The following PAK4 variants were observed in gnomAD, a reference collection of about 807,000 sequenced individuals.
PAK4 encodes p21 (RAC1) activated kinase 4, also known as serine/threonine-protein kinase PAK 4.
Under a neutral mutation model 53.5 loss-of-function variants are expected in PAK4, and 49 were observed. The observed-to-expected ratio is 0.92, with a 90% CI of 0.73 to 1.16. PAK4 has a LOEUF of 1.16. Among genes scored for constraint, PAK4 ranks in the 50% most tolerant of loss-of-function variants. The pLI is 0.00. For missense variants in PAK4, 824 were observed against 850.7 expected, an observed-to-expected ratio of 0.97 and a Z score of 0.39; for synonymous variants, 376 against 375.6, an observed-to-expected ratio of 1.00 and a Z score of -0.01.
intron 1 of PAK4, among the ~76,000 whole-genome samples, chr19:39,158,724 C>T (rs1256327346): frequency 6.6e-6 from 1 of 152,160 alleles, no homozygotes; most frequent in Non-Finnish European, 1.5e-5. Flanking sequence ...GAGCCACACT[C>T]TCTGCGCTGG....
Position 39,175,388 on chromosome 19 carries a change from A to G in PAK4, c.1309A>G (p.Ile437Val), listed in dbSNP as rs756000073. The G allele has an allele frequency of 6.2e-7, 1 of 1,611,520 alleles. No homozygotes were observed. Among genetic ancestry groups the G allele is most frequent in the East Asian group, 2.2e-5 (1 of 44,796 alleles). ...GTCGGTGCTCCACGCCCAGGGCGTCATCCACCGGGACATCAAGAGCGACTC... is the reference window on the plus strand; with the variant it reads ...GTCGGTGCTCCACGCCCAGGGCGTCGTCCACCGGGACATCAAGAGCGACTC... The change falls in exon 6 of 9, where the codon ATC (isoleucine) becomes GTC (valine). Residue 437 changes from isoleucine to valine, a missense_variant. This residue lies in a region of PAK4 where 346 missense variants were observed against 415.0 expected (regional missense o/e 0.83). Coordinates refer to ENST00000358301, the Ensembl canonical transcript of PAK4. This position sits in a 1 kb window ranked among gnomAD's most constrained non-coding sequence, Gnocchi z 4.7.
chr19:39,160,925 C>G (rs1253509436), intron 1 of PAK4, among the ~76,000 whole-genome samples: 2 of 152,214 alleles, frequency 1.3e-5, no homozygotes, highest in Non-Finnish European at 2.9e-5. Flanking sequence ...GCCGGGACCA[C>G]TGGGGAACAG....
intron 4 of PAK4, 75 bp from the exon 6 acceptor site, chr19:39,174,856 G>A: frequency 6.4e-7 from 1 of 1,560,602 alleles, no homozygotes; most frequent in Non-Finnish European, 8.8e-7. Context: ...GGGGGAGCCA[G>A]GGGGGTGGCG....
intron 1 of PAK4, among the ~76,000 whole-genome samples, chr19:39,150,205 C>T (rs1379273933): frequency 6.6e-6 from 1 of 152,000 alleles, no homozygotes; most frequent in Non-Finnish European, 1.5e-5. Context: ...TGTCCCACCC[C>T]ATCTGGGTTA....
intron 1 of PAK4, among the ~76,000 whole-genome samples, chr19:39,144,868 GC>G (rs1483213469): frequency 3.3e-5 from 5 of 152,148 alleles, no homozygotes; most frequent in African/African-American, 4.8e-5. Context: ...TACAGAGAAA[GC>G]TTTCAGTTGT....
rs190328742 is a variant in PAK4, at chr19:39,151,530, C to T, written c.-22-18002C>T. ...GACAGCTGCACACAGTGAGTGTTGC[C>T]GCACCATTTATAAGAGCAAAAGACA... On this transcript the variant is annotated intron_variant, in intron 1 of 8. Coordinates refer to ENST00000358301, the Ensembl canonical transcript of PAK4. Among the ~76,000 whole-genome samples the T allele has an allele frequency of 1.4e-4, 22 of 152,296 alleles. No homozygotes were observed. In the East Asian group the frequency reaches 2.7e-3, roughly 19 times the overall value.
At chr19:39,176,651 C>T (rs776546703) in exon 7 of PAK4, 7 of 1,613,644 alleles carry the variant, frequency 4.3e-6, no homozygotes, top group Middle Eastern at 1.6e-4. Flanking sequence ...CGAAGGAAGT[C>T]GCTGGTCGGC....
intron 1 of PAK4, among the ~76,000 whole-genome samples, chr19:39,138,724 G>C (rs2073862071): frequency 2.0e-5 from 3 of 152,216 alleles, no homozygotes; most frequent in Admixed American, 1.3e-4. Flanking sequence ...AGGGCGGGCA[G>C]GGTGCCCAGA....
chr19:39,129,148 A>G (rs1299125503), intron 1 of PAK4, among the ~76,000 whole-genome samples: 4 of 152,044 alleles, frequency 2.6e-5, no homozygotes, highest in East Asian at 1.9e-4. Flanking sequence ...GGCTCAAGCT[A>G]TCCTCCCACC....
chr19:39,173,256 C>A lies in PAK4; in HGVS notation c.543C>A (p.Ser181=). Residue 181 remains serine (S), a synonymous_variant, in exon 3 of 9, where the codon TCC becomes TCA. Transcript: ENST00000358301. The surrounding 1 kb of genome is among the most constrained non-coding windows in gnomAD (Gnocchi z 6.9). Reference sequence around the variant, plus strand: ...CCTCCCGGGACAAACGCCCCCTCTCCGGGCCTGATGTCGGCACCCCCCAGC... The same window carrying A: ...CCTCCCGGGACAAACGCCCCCTCTCAGGGCCTGATGTCGGCACCCCCCAGC... 6.3e-7 allele frequency: 1 copy of A among 1,592,624 alleles called. No homozygotes were observed. Among genetic ancestry groups the A allele is most frequent in the East Asian group, 2.3e-5 (1 of 43,842 alleles).
Position 39,147,059 on chromosome 19 carries a change from T to A in PAK4, c.-23+21140T>A, listed in dbSNP as rs559438620. ...GTGTCAACTGACATTGACACTGTCATTGTCAATTGACAATTGTCATTGTCA... is the reference window on the plus strand; with the variant it reads ...GTGTCAACTGACATTGACACTGTCAATGTCAATTGACAATTGTCATTGTCA... On this transcript the variant is annotated intron_variant, in intron 1 of 8. Transcript: ENST00000358301. 2.3e-3 allele frequency among the ~76,000 whole-genome samples: 57 copies of A among 24,772 alleles called. 1 individual carries two copies. The Middle Eastern group carries it at 0.17, about 72-fold the overall frequency. The allele number at this position is 24,772 out of a possible 152,430, so 16.3% of individuals were successfully genotyped here. A position where few individuals can be genotyped will look rare whatever the true frequency, so the allele number is the denominator to read the frequency against.
chr19:39,139,374 G>A (rs1056873833), intron 1 of PAK4, among the ~76,000 whole-genome samples: 1 of 152,180 alleles, frequency 6.6e-6, no homozygotes, highest in African/African-American at 2.4e-5. Flanking sequence ...GGTACCCAGC[G>A]GGATAAAGGG....
intron 1 of PAK4, among the ~76,000 whole-genome samples, chr19:39,132,619 G>A (rs2073734717): frequency 6.6e-6 from 1 of 152,260 alleles, no homozygotes. Flanking sequence ...TGTGAACAGG[G>A]CTGCGCCCGC....
rs558642367 is a variant in PAK4, at chr19:39,131,443, C to T, written c.-23+5524C>T. On this transcript the variant is annotated intron_variant, in intron 1 of 8. Coordinates refer to ENST00000358301, the Ensembl canonical transcript of PAK4. ...TCAGGGGTGTCCCCAGCAGCTGTTT[C>T]TCCCATCACCGAGCCCAGCCCCGCA... Among the ~76,000 whole-genome samples, 3 of 152,296 alleles carry T rather than the reference C, an allele frequency of 2.0e-5. No individual in the cohort carries two copies. The East Asian group carries it at 5.8e-4, about 29-fold the overall frequency.
chr19:39,147,565 A>G (rs1196655054), intron 1 of PAK4, among the ~76,000 whole-genome samples: 5 of 152,218 alleles, frequency 3.3e-5, no homozygotes, highest in African/African-American at 4.8e-5. Context: ...TAAGAAAACC[A>G]TCAAAACCAT....
At chr19:39,144,220 C>T (rs577685048) in intron 1 of PAK4, among the ~76,000 whole-genome samples, 67 of 152,118 alleles carry the variant, frequency 4.4e-4, no homozygotes, top group African/African-American at 1.6e-3. Flanking sequence ...GGACTTTGGT[C>T]CTGGTCAGAC....
chr19:39,176,190 G>T (rs763204603), intron 6 of PAK4, among the ~76,000 whole-genome samples: 1 of 152,198 alleles, frequency 6.6e-6, no homozygotes, highest in Non-Finnish European at 1.5e-5. Context: ...GTCCCCTCAC[G>T]GCCCTAGTGC....
At chr19:39,157,119 G>A (rs758695633) in intron 1 of PAK4, among the ~76,000 whole-genome samples, 3 of 152,134 alleles carry the variant, frequency 2.0e-5, no homozygotes, top group Non-Finnish European at 2.9e-5. Flanking sequence ...AAGTTTCCGT[G>A]AGACTGTGCC....
chr19:39,175,088 T>A lies in PAK4; in HGVS notation c.1232+24T>A. 1.3e-6 allele frequency: 2 copies of A among 1,590,356 alleles called. No individual in the cohort carries two copies. Among genetic ancestry groups the A allele is most frequent in the Non-Finnish European group, 1.7e-6 (2 of 1,167,858 alleles). ...AGGTATTTCTGGGGCCTCAGACCCC[T>A]CCTGTGACACGACCAAGTCCCCTCC... is the stretch of plus-strand genomic sequence containing the variant. On this transcript the variant is annotated intron_variant, in intron 5 of 8. Coordinates refer to ENST00000358301, the Ensembl canonical transcript of PAK4. The surrounding 1 kb of genome is among the most constrained non-coding windows in gnomAD (Gnocchi z 4.7).
Sources: allele counts gnomAD v4.1 joint callset (sites outside exome capture counted in the v4.1 genomes callset), GRCh38; gene constraint gnomAD v4.1.1; regional missense constraint gnomAD v4.1.1; non-coding constraint Gnocchi (gnomAD v3.1); transcripts MANE v1.5; gene names NCBI Gene and HGNC (gene_info 2026-07-23, HGNC 2026-07-21).